The following DOCK10 variants were observed in gnomAD, a reference collection of about 807,000 sequenced individuals.
The protein encoded by DOCK10 is dedicator of cytokinesis protein 10.
DOCK10 carries 145 observed loss-of-function variants against 280.1 expected under a neutral mutation model. The observed-to-expected ratio is 0.52, with a 90% confidence interval of 0.45 to 0.59. The LOEUF (loss-of-function observed/expected upper bound fraction) is 0.59, where lower values mean the gene tolerates loss of function less well. DOCK10 is among the 20% of genes least tolerant of loss of function. DOCK10 has a pLI of 0.00. For synonymous variants in DOCK10, 915 were observed against 942.2 expected, an observed-to-expected ratio of 0.97 and a Z score of 0.53; for missense variants, 2,368 against 2,651.7, an observed-to-expected ratio of 0.89 and a Z score of 2.35.
In DOCK10 at chr2:224,770,333, A is replaced by C. The variant is rs1458619542; in HGVS notation, c.6322T>G (p.Cys2108Gly). The C allele has an allele frequency of 6.2e-7, 1 of 1,600,036 alleles. No homozygotes were observed. Among genetic ancestry groups the C allele is most frequent in the Admixed American group, 1.8e-5 (1 of 57,070 alleles). The change falls in exon 55 of 56, where the codon TGT becomes GGT. Residue 2108 changes from cysteine (C) to glycine (G), a missense_variant. Coordinates refer to ENST00000258390, the MANE Select transcript of DOCK10 (RefSeq NM_014689.3). This position sits in a 1 kb window ranked among gnomAD's most constrained non-coding sequence, Gnocchi z 4.5. ...TCATTCACGTCAAGGGCCTGCCCAC[A>C]TGCATCTGCAAATTGCCTTTAGCGA... is the stretch of plus-strand genomic sequence containing the variant. ...KEIFRQFADA[C>G]GQALDVNERL...
chr2:224,944,834 G>A (rs1249776433), intron 1 of DOCK10, among the ~76,000 whole-genome samples: 3 of 152,190 alleles, frequency 2.0e-5, no homozygotes, highest in Non-Finnish European at 1.5e-5. Flanking sequence ...ACTGTAGCAC[G>A]GACATCCCCA....
At chr2:225,017,217 G>A (rs1037822119) in intron 1 of DOCK10, among the ~76,000 whole-genome samples, 2 of 151,700 alleles carry the variant, frequency 1.3e-5, no homozygotes, top group Non-Finnish European at 2.9e-5. Flanking sequence ...AGGTCATCTC[G>A]TACAGCTTCA....
At chr2:224,865,608 T>C (rs937696775) in intron 11 of DOCK10, among the ~76,000 whole-genome samples, 2 of 152,156 alleles carry the variant, frequency 1.3e-5, no homozygotes, top group Admixed American at 1.3e-4. Context: ...CACAAAACAC[T>C]GTGGCAAGTA....
At chr2:224,816,786 T>C (rs912532056) in intron 29 of DOCK10, 73 bp from the exon 30 acceptor site, 3 of 817,490 alleles carry the variant, frequency 3.7e-6, no homozygotes, top group East Asian at 2.7e-5. Flanking sequence ...AAACAAAATC[T>C]GCACTTGAAT....
At chr2:224,999,338 C>A (rs955717395) in intron 1 of DOCK10, among the ~76,000 whole-genome samples, 1 of 151,708 alleles carries the variant, frequency 6.6e-6, no homozygotes, top group Non-Finnish European at 1.5e-5. Flanking sequence ...TCATGCCCTA[C>A]CTCATTCATA....
In DOCK10 at chr2:225,042,180, G is replaced by A; in HGVS notation, c.123+72C>T. On this transcript the variant is annotated intron_variant, in intron 1 of 55. Transcript: ENST00000258390. This position sits in a 1 kb window ranked among gnomAD's most constrained non-coding sequence, Gnocchi z 5.1. ...GGGGACCTGGGCCCGCCGAGCTTTT[G>A]GGGAAGCTGGGCTCCGTTCCCCCCG... The A allele has an allele frequency of 2.5e-6, 3 of 1,214,018 alleles. No homozygotes were observed. The highest frequency in any genetic ancestry group is 3.1e-6 in the Non-Finnish European group (3 of 975,858). The allele number at this position is 1,214,018 out of a possible 1,614,324, so 75.2% of individuals were successfully genotyped here.
intron 2 of DOCK10, among the ~76,000 whole-genome samples, chr2:224,922,082 G>A (rs902601649): frequency 7.3e-6 from 1 of 137,092 alleles, no homozygotes; most frequent in Non-Finnish European, 1.5e-5. Context: ...TGGCGCCACT[G>A]TACTCCAGCC....
chr2:224,864,581 G>A lies in DOCK10; in HGVS notation c.1574C>T (p.Pro525Leu), dbSNP rs1338390362. 1 of 1,607,426 alleles carries A rather than the reference G, an allele frequency of 6.2e-7. No individual in the cohort carries two copies. The change falls in exon 13 of 56, where the codon CCT (proline) becomes CTT (leucine). Residue 525 changes from proline to leucine, a missense_variant. Pro to Leu is a moderately conservative substitution (Grantham distance 98, BLOSUM62 -3). Transcript: ENST00000258390. ...GTTGGAGTCTGGGTTCTTAATATAA[G>A]GTTCGGCACCACTTGCAATGTTTCC... ...LMGNIASGAE[P>L]YIKNPDSNKY...
At chr2:225,030,327 G>A (rs1690042985) in intron 1 of DOCK10, among the ~76,000 whole-genome samples, 1 of 152,048 alleles carries the variant, frequency 6.6e-6, no homozygotes, top group Non-Finnish European at 1.5e-5. Flanking sequence ...GGCGAAAATA[G>A]CATTCACATA....
chr2:224,957,292 C>A (rs922491764), intron 1 of DOCK10, among the ~76,000 whole-genome samples: 5 of 148,466 alleles, frequency 3.4e-5, no homozygotes, highest in Non-Finnish European at 6.0e-5. Context: ...TCCGCCCCCC[C>A]CCGGCTTTGT....
intron 1 of DOCK10, among the ~76,000 whole-genome samples, chr2:224,951,513 G>A (rs551306947): frequency 1.5e-4 from 23 of 152,262 alleles, no homozygotes; most frequent in African/African-American, 4.8e-4. Context: ...TAAGTAAGAT[G>A]GGACACTTAA....
chr2:224,916,584 T>A, intron 3 of DOCK10, 111 bp downstream of exon 3: 2 of 700,148 alleles, frequency 2.9e-6, no homozygotes, highest in South Asian at 1.9e-5. Context: ...GTTAGAATAT[T>A]TGGAATTATC....
chr2:224,875,275 C>T (rs1251689869), intron 8 of DOCK10, among the ~76,000 whole-genome samples: 1 of 152,184 alleles, frequency 6.6e-6, no homozygotes, highest in Non-Finnish European at 1.5e-5. Context: ...TTCCATATTA[C>T]TCCATGGCTC....
intron 29 of DOCK10, among the ~76,000 whole-genome samples, chr2:224,819,062 C>T (rs1269189972): frequency 2.0e-5 from 3 of 152,156 alleles, no homozygotes; most frequent in African/African-American, 7.2e-5. Context: ...CCAGCGTATA[C>T]CCCTATTTGG....
chr2:224,767,558 A>G (rs1690142818), intron 55 of DOCK10, among the ~76,000 whole-genome samples: 1 of 152,140 alleles, frequency 6.6e-6, no homozygotes, highest in Non-Finnish European at 1.5e-5. Context: ...GATTTATAGG[A>G]GCATTGTGAC....
At chr2:224,877,408 T>C (rs1340593618) in intron 7 of DOCK10, among the ~76,000 whole-genome samples, 1 of 112,684 alleles carries the variant, frequency 8.9e-6, no homozygotes, top group Non-Finnish European at 2.0e-5. Flanking sequence ...ACCAGTCATA[T>C]TTTATGAATG....
intron 51 of DOCK10, among the ~76,000 whole-genome samples, 164 bp from the exon 52 acceptor site, chr2:224,775,279 G>A (rs1376571810): frequency 6.6e-6 from 1 of 152,188 alleles, no homozygotes; most frequent in African/African-American, 2.4e-5. Context: ...CACAGAGAGA[G>A]TAAAGGCTGG....
At chr2:224,961,432 T>TTCTTTCTTTCTTTCTTTC in intron 1 of DOCK10, among the ~76,000 whole-genome samples, 1 of 127,162 alleles carries the variant, frequency 7.9e-6, no homozygotes, top group Admixed American at 8.6e-5. Context: ...CTTTCTTTCT[T>TTCTTTCTTTCTTTCTTTC]TCTTTCTTTC....
intron 14 of DOCK10, chr2:224,861,552 A>C (rs1038296718): frequency 2.0e-5 from 3 of 152,180 alleles, no homozygotes; most frequent in Non-Finnish European, 4.4e-5. Context: ...ACACCTACTC[A>C]TCTCCAACTT....
Sources: allele counts gnomAD v4.1 joint callset (sites outside exome capture counted in the v4.1 genomes callset), GRCh38; gene constraint gnomAD v4.1.1; non-coding constraint Gnocchi (gnomAD v3.1); transcripts MANE v1.5; gene names NCBI Gene and HGNC (gene_info 2026-07-23, HGNC 2026-07-21).